EPHA10: variants seen among roughly 807,000 people sequenced by gnomAD.
EPHA10 encodes EPH receptor A10, also known as ephrin type-A receptor 10.
A neutral mutation model predicts 109.7 loss-of-function variants in EPHA10; 120 were observed. The observed-to-expected ratio is 1.09, with a 90% CI of 0.94 to 1.27. EPHA10 has a LOEUF of 1.27. Ranked by LOEUF, EPHA10 falls within the 50% of genes most tolerant of loss-of-function variation. EPHA10 has a pLI of 0.00. For synonymous variants in EPHA10, 640 were observed against 618.9 expected (o/e 1.03, Z -0.51); for missense variants, 1,396 against 1,411.1 (o/e 0.99, Z 0.17).
intron 5 of EPHA10, among the ~76,000 whole-genome samples, chr1:37,744,434 C>T (rs904107017): frequency 1.3e-5 from 2 of 151,812 alleles, no homozygotes; most frequent in East Asian, 3.9e-4. Flanking sequence ...GCAGGAGAAC[C>T]ATTTGAACCC....
intron 5 of EPHA10, among the ~76,000 whole-genome samples, chr1:37,748,420 C>T (rs1646272813): frequency 6.6e-6 from 1 of 152,124 alleles, no homozygotes; most frequent in African/African-American, 2.4e-5. Context: ...CAGAAAGTTT[C>T]CCAGGCAGTT....
rs555182324 is a variant in EPHA10 at position 37,761,700 on chromosome 1, C to G, written c.555G>C (p.Arg185=). The G allele has an allele frequency of 7.4e-6, 12 of 1,613,178 alleles. No individual in the cohort carries two copies. The highest frequency in any genetic ancestry group is 1.7e-5 in the Admixed American group (1 of 60,030). ...CCTGAAAGGCCAGGTGGAAACCCCG[C>G]CGGCTGAGCGGTCCGATCTCGCGCA... is the stretch of plus-strand genomic sequence containing the variant. ...TEVREIGPLS[R]RGFHLAFQDV... is the part of the protein sequence containing the mutation. The change falls in exon 3 of 17, where the codon CGG becomes CGC. Residue 185 remains arginine (R), a synonymous_variant. Transcript: ENST00000373048.
intron 10 of EPHA10, 59 bp downstream of exon 10, chr1:37,722,982 G>A: frequency 3.7e-6 from 6 of 1,612,368 alleles, no homozygotes; most frequent in South Asian, 2.2e-5. Context: ...TAGGGGCGGG[G>A]CCTATAGAGT....
In EPHA10 at chr1:37,716,750, G is replaced by T. The variant is rs539849065; in HGVS notation, c.*1622C>A. 1 of 232,772 alleles carries T rather than the reference G, an allele frequency of 4.3e-6. No homozygotes were observed. Among genetic ancestry groups the T allele is most frequent in the Non-Finnish European group, 8.5e-6 (1 of 117,882 alleles). The allele number at this position is 232,772 out of a possible 1,614,324, so 14.4% of individuals were successfully genotyped here. ...TCCGAGGCCTGCCATCTTGCCTGCC[G>T]AAAACTCCACCCACCCCAAGGAAAG... On this transcript the variant is annotated 3_prime_UTR_variant, in exon 17 of 17. Transcript: ENST00000373048.
chr1:37,721,805 G>A lies in EPHA10; in HGVS notation c.2001C>T (p.Pro667=), dbSNP rs529366748. ...CGGCTACGAGCAGCTCCTGGCGACC[G>A]GGGAGCTGCAAGCAGCCACAGCACA... is the stretch of plus-strand genomic sequence containing the variant. ...GELCCGCLQL[P]GRQELLVAVH... is the part of the protein sequence containing the mutation. The change falls in exon 11 of 17, where the codon CCC becomes CCT. Residue 667 remains proline (P), a synonymous_variant. Transcript: ENST00000373048. 81 of 1,608,074 alleles carry A rather than the reference G, an allele frequency of 5.0e-5. No individual in the cohort carries two copies. The Admixed American group carries it at 6.2e-4, about 12-fold the overall frequency.
At chr1:37,719,660 T>C in intron 14 of EPHA10, 53 bp from the exon 15 acceptor site, 2 of 1,599,270 alleles carry the variant, frequency 1.3e-6, no homozygotes, top group Non-Finnish European at 1.7e-6. Context: ...CCCCAGCATA[T>C]GGTGTGTGCA....
Position 37,752,869 on chromosome 1 carries a change from G to A in EPHA10, c.1357+7C>T. 1 of 1,274,764 alleles carries A rather than the reference G, an allele frequency of 7.8e-7. No homozygotes were observed. Among genetic ancestry groups the A allele is most frequent in the Non-Finnish European group, 9.9e-7 (1 of 1,012,112 alleles). The allele number at this position is 1,274,764 out of a possible 1,614,324, so 79.0% of individuals were successfully genotyped here. A position where few individuals can be genotyped will look rare whatever the true frequency, so the allele number is the denominator to read the frequency against. On this transcript the variant is annotated splice_region_variant and intron_variant, in intron 5 of 16. Coordinates refer to ENST00000373048, the MANE Select transcript of EPHA10 (RefSeq NM_001099439.2). ...GGCCTCGGGGTGGGGGGCGCGGACG[G>A]CCTTACCCCCGGGCCCGGTGGAGAC...
chr1:37,720,972 C>T lies in EPHA10; in HGVS notation c.2147-128G>A. The T allele has an allele frequency of 3.6e-6, 3 of 822,292 alleles. No individual in the cohort carries two copies. In the South Asian group the frequency reaches 4.8e-5, roughly 13 times the overall value. The allele number at this position is 822,292 out of a possible 1,614,324, so 50.9% of individuals were successfully genotyped here. ...CCAGCACCAAGCTCCCTAATCTCGCCATCCTCCTGCCCAGCCCAGGGTCCT... is the reference window on the plus strand; with the variant it reads ...CCAGCACCAAGCTCCCTAATCTCGCTATCCTCCTGCCCAGCCCAGGGTCCT... On this transcript the variant is annotated intron_variant, in intron 11 of 16. Coordinates refer to ENST00000373048, the MANE Select transcript of EPHA10 (RefSeq NM_001099439.2).
At chr1:37,735,093 C>T (rs984417038) in intron 6 of EPHA10, among the ~76,000 whole-genome samples, 164 bp downstream of exon 6, 2 of 151,846 alleles carry the variant, frequency 1.3e-5, no homozygotes, top group African/African-American at 4.8e-5. Flanking sequence ...AGCAGGAGTC[C>T]GGGGGAGGAG....
intron 5 of EPHA10, among the ~76,000 whole-genome samples, chr1:37,749,231 A>G (rs1021677439): frequency 6.6e-6 from 1 of 151,736 alleles, no homozygotes; most frequent in Non-Finnish European, 1.5e-5. Flanking sequence ...CCCCGTTTCA[A>G]TGAATTAATG....
Position 37,718,656 on chromosome 1 carries a change from C to T in EPHA10, c.2912+5G>A, listed in dbSNP as rs199991747. On this transcript the variant is annotated splice_donor_5th_base_variant and intron_variant, in intron 16 of 16. Coordinates refer to ENST00000373048, the MANE Select transcript of EPHA10 (RefSeq NM_001099439.2). ...CCGGCCTTGACCTTGGTGCCTTGGACTCACTGGGCAGTCATCTCGGCCACG... is the reference window on the plus strand; with the variant it reads ...CCGGCCTTGACCTTGGTGCCTTGGATTCACTGGGCAGTCATCTCGGCCACG... 4.0e-5 allele frequency: 65 copies of T among 1,613,172 alleles called. No homozygotes were observed. In the Middle Eastern group the frequency reaches 4.9e-4, roughly 12 times the overall value.
rs1473234571 is a variant in EPHA10, at chr1:37,753,127, G to A, written c.1106C>T (p.Ser369Leu). ...GCACAGCAGCGAGTAGGTGACGTCC[G>A]AGCGGCCTCCCGAGTCGGCCGGCGG... ...WLPPADSGGR[S>L]DVTYSLLCLR... The change falls in exon 5 of 17, where the codon TCG (serine) becomes TTG (leucine). Residue 369 changes from serine to leucine, a missense_variant. By Grantham distance (145) the Ser-to-Leu change is moderately radical (BLOSUM62 -2). Transcript: ENST00000373048. 19 of 1,404,966 alleles carry A rather than the reference G, an allele frequency of 1.4e-5. No homozygotes were observed. The highest frequency in any genetic ancestry group is 3.0e-5 in the African/African-American group (2 of 66,692). The allele number at this position is 1,404,966 out of a possible 1,614,324, so 87.0% of individuals were successfully genotyped here. A position where few individuals can be genotyped will look rare whatever the true frequency, so the allele number is the denominator to read the frequency against.
Position 37,735,275 on chromosome 1 carries a change from C to T in EPHA10, c.1473G>A (p.Glu491=). ...GAPGANDTEY[E]IRYYEKGQSE... ...CACTCACCTTCTCGTAGTATCGGAT[C>T]TCGTACTCCGTGTCATTGGCCCCAG... The change falls in exon 6 of 17, where the codon GAG becomes GAA. Residue 491 remains glutamate (E), a synonymous_variant. Coordinates refer to ENST00000373048, the MANE Select transcript of EPHA10 (RefSeq NM_001099439.2). 2 of 1,565,548 alleles carry T rather than the reference C, an allele frequency of 1.3e-6. No individual in the cohort carries two copies. Among genetic ancestry groups the T allele is most frequent in the Non-Finnish European group, 1.7e-6 (2 of 1,155,034 alleles).
Position 37,720,446 on chromosome 1 carries a change from C to G in EPHA10, c.2317G>C (p.Ala773Pro). 6.2e-7 allele frequency: 1 copy of G among 1,613,616 alleles called. No individual in the cohort carries two copies. Among genetic ancestry groups the G allele is most frequent in the Non-Finnish European group, 8.5e-7 (1 of 1,180,012 alleles). Residue 773 changes from alanine (A) to proline (P), a missense_variant, in exon 13 of 17, where the codon GCT (alanine) becomes CCT (proline). Coordinates refer to ENST00000373048, the MANE Select transcript of EPHA10 (RefSeq NM_001099439.2). The stretch of plus-strand genomic sequence containing the variant: ...TCGCTGCTGACCAGCACATGGCGAG[C>G]TGCCAGGCCCCGGTGAACGTAGCCC... ...EMGYVHRGLA[A>P]RHVLVSSDLV...
rs576381247 is a variant in EPHA10 at position 37,765,078 on chromosome 1, C to T, written c.-12G>A. On this transcript the variant is annotated 5_prime_UTR_variant, in exon 1 of 17. Transcript: ENST00000373048. ...GCGCAGGTCTCCATGGTCCGCAGAC[C>T]GAGCTGTCAGTCCGGCGGCGGCTCA... The T allele has an allele frequency of 2.5e-6, 4 of 1,582,396 alleles. No individual in the cohort carries two copies. Among genetic ancestry groups the T allele is most frequent in the Non-Finnish European group, 2.6e-6 (3 of 1,168,350 alleles).
intron 3 of EPHA10, chr1:37,760,276 G>GA (rs1271561225): frequency 9.7e-7 from 1 of 1,029,886 alleles, no homozygotes; most frequent in Non-Finnish European, 1.2e-6. Flanking sequence ...ACATGGTTTA[G>GA]AAAAAGCATA....
intron 5 of EPHA10, among the ~76,000 whole-genome samples, chr1:37,746,101 C>CTTTT (rs111763214): frequency 9.4e-5 from 12 of 127,428 alleles, no homozygotes; most frequent in Non-Finnish European, 1.5e-4. Context: ...CTTTTCTTTT[C>CTTTT]TTTTTTTTTT....
At chr1:37,729,711 A>G (rs561950269) in intron 7 of EPHA10, among the ~76,000 whole-genome samples, 1 of 152,028 alleles carries the variant, frequency 6.6e-6, no homozygotes, top group Non-Finnish European at 1.5e-5. Context: ...GAGACCCCCA[A>G]AAAGTAAAAA....
At chr1:37,757,863 C>T (rs901528747) in intron 3 of EPHA10, among the ~76,000 whole-genome samples, 1 of 152,180 alleles carries the variant, frequency 6.6e-6, no homozygotes, top group African/African-American at 2.4e-5. Flanking sequence ...GAAGGGAAGC[C>T]ATCAGTTGAT....
Sources: gnomAD v4.1 joint callset for allele counts (sites outside exome capture counted in the v4.1 genomes callset) on GRCh38, gnomAD v4.1.1 for gene constraint, MANE v1.5 for transcripts, NCBI Gene and HGNC (gene_info 2026-07-23, HGNC 2026-07-21) for gene names.